The following SV2C variants were observed in gnomAD, a reference collection of about 807,000 sequenced individuals.
SV2C encodes synaptic vesicle glycoprotein 2C.
SV2C carries 49 observed loss-of-function variants against 79.7 expected under a neutral mutation model. That is an observed-to-expected ratio of 0.61 (90% CI 0.49 to 0.78). The LOEUF (loss-of-function observed/expected upper bound fraction) is 0.78, where lower values mean the gene tolerates loss of function less well. Ranked by LOEUF, SV2C falls within the 30% of genes least tolerant of loss-of-function variation. SV2C has a pLI of 0.00. For synonymous variants in SV2C, 334 were observed against 333.2 expected (o/e 1.00, Z -0.03); for missense variants, 833 against 912.9 (o/e 0.91, Z 1.13).
At chr5:76,250,997 A>G (rs774887263) in intron 4 of SV2C, among the ~76,000 whole-genome samples, 16 of 152,116 alleles carry the variant, frequency 1.1e-4, no homozygotes, top group Non-Finnish European at 1.9e-4. Flanking sequence ...CTGGGGTCCT[A>G]TTGTTTCCCC....
intron 2 of SV2C, among the ~76,000 whole-genome samples, chr5:76,158,529 C>A (rs1458200168): frequency 6.6e-6 from 1 of 151,140 alleles, no homozygotes; most frequent in Admixed American, 6.6e-5. Flanking sequence ...CAGTAAACAA[C>A]AGAGTGCCAA....
intron 2 of SV2C, among the ~76,000 whole-genome samples, chr5:76,168,755 A>G (rs1327295115): frequency 6.6e-6 from 1 of 152,078 alleles, no homozygotes; most frequent in Non-Finnish European, 1.5e-5. Flanking sequence ...TCCTTTTGGG[A>G]GAATATGTAG....
chr5:75,864,487 A>G, the SV2C span, among the ~76,000 whole-genome samples: 3 of 152,184 alleles, frequency 2.0e-5, no homozygotes, highest in Non-Finnish European at 4.4e-5. Flanking sequence ...CTGCCGAGGT[A>G]GACTTGTTAC....
the SV2C span, among the ~76,000 whole-genome samples, chr5:76,012,135 T>G: frequency 1.3e-5 from 2 of 152,188 alleles, no homozygotes; most frequent in African/African-American, 4.8e-5. Flanking sequence ...GTAACGGGAT[T>G]GCTGGGTCAA....
At chr5:76,144,197 T>C (rs532558429) in intron 2 of SV2C, among the ~76,000 whole-genome samples, 2 of 152,260 alleles carry the variant, frequency 1.3e-5, no homozygotes, top group Non-Finnish European at 2.9e-5. Flanking sequence ...AATGAAGAGC[T>C]ATTTATCAAT....
Position 76,112,111 on chromosome 5 carries a change from A to G in SV2C, c.-101-19539A>G, listed in dbSNP as rs568083804. 4.6e-5 allele frequency among the ~76,000 whole-genome samples: 7 copies of G among 152,388 alleles called. No homozygotes were observed. In the East Asian group the frequency reaches 1.3e-3, roughly 29 times the overall value. ...TTCTGCTAGGTATTAGAATTTAGCT[A>G]ATAACAAAATAGGAAGAGTTCCTTT... is the stretch of plus-strand genomic sequence containing the variant. On this transcript the variant is annotated intron_variant, in intron 1 of 12. Coordinates refer to ENST00000502798, the MANE Select transcript of SV2C (RefSeq NM_014979.4).
chr5:76,160,706 C>T (rs547187069), intron 2 of SV2C, among the ~76,000 whole-genome samples: 19 of 152,152 alleles, frequency 1.2e-4, no homozygotes, highest in Non-Finnish European at 1.3e-4. Flanking sequence ...AGACAACCCA[C>T]TTAAAATGGC....
At chr5:76,242,750 A>T (rs1745826928) in intron 4 of SV2C, among the ~76,000 whole-genome samples, 1 of 152,086 alleles carries the variant, frequency 6.6e-6, no homozygotes, top group South Asian at 2.1e-4. Context: ...AACGAAGATG[A>T]TGCCAGGTGT....
chr5:76,154,330 T>C (rs1346248657), intron 2 of SV2C, among the ~76,000 whole-genome samples: 1 of 152,210 alleles, frequency 6.6e-6, no homozygotes, highest in Non-Finnish European at 1.5e-5. Flanking sequence ...TTTCTGTTAA[T>C]GTATAAAACC....
the SV2C span, among the ~76,000 whole-genome samples, chr5:75,956,326 C>A: frequency 7.1e-6 from 1 of 140,580 alleles, no homozygotes; most frequent in Non-Finnish European, 1.5e-5. Flanking sequence ...TATTCTCACT[C>A]ATAGGTGGGA....
chr5:76,004,315 G>T, the SV2C span, among the ~76,000 whole-genome samples: 1 of 152,080 alleles, frequency 6.6e-6, no homozygotes, highest in Admixed American at 6.6e-5. Context: ...CCACTTTCTG[G>T]CTGGGCTATC....
intron 4 of SV2C, among the ~76,000 whole-genome samples, chr5:76,234,215 A>G (rs140450753): frequency 1.5e-4 from 23 of 152,344 alleles, no homozygotes; most frequent in Admixed American, 1.5e-3. Flanking sequence ...ACATGTTCCT[A>G]GAACTGCCTC....
chr5:76,139,902 G>A (rs1184652060), intron 2 of SV2C, among the ~76,000 whole-genome samples: 12 of 52,966 alleles, frequency 2.3e-4, no homozygotes, highest in African/African-American at 4.3e-4. Flanking sequence ...TCACTCTGTC[G>A]CCCAGGCCGG....
chr5:76,039,724 C>G, the SV2C span, among the ~76,000 whole-genome samples: 1 of 148,786 alleles, frequency 6.7e-6, no homozygotes, highest in Non-Finnish European at 1.5e-5. Context: ...CCATTGCACT[C>G]CAGCCTGGGC....
chr5:76,137,902 A>G (rs1749121735), intron 2 of SV2C, among the ~76,000 whole-genome samples: 2 of 152,146 alleles, frequency 1.3e-5, no homozygotes, highest in East Asian at 3.9e-4. Context: ...GCAGACTCAG[A>G]TTCATCCATT....
chr5:75,923,452 G>C, the SV2C span, among the ~76,000 whole-genome samples: 2 of 152,102 alleles, frequency 1.3e-5, no homozygotes, highest in African/African-American at 2.4e-5. Context: ...GCTCTGCACA[G>C]CAAAAGAAAT....
intron 2 of SV2C, among the ~76,000 whole-genome samples, chr5:76,185,451 C>T (rs1743885002): frequency 6.6e-6 from 1 of 152,212 alleles, no homozygotes; most frequent in South Asian, 2.1e-4. Context: ...GAGGGCTCTG[C>T]CCTTGCAGCA....
the SV2C span, among the ~76,000 whole-genome samples, chr5:75,913,136 C>G: frequency 1.3e-5 from 2 of 152,156 alleles, no homozygotes; most frequent in African/African-American, 4.8e-5. Flanking sequence ...GCCTAGGAAT[C>G]TAGTCCAAAT....
At chr5:76,009,790 A>G in the SV2C span, among the ~76,000 whole-genome samples, 2 of 152,020 alleles carry the variant, frequency 1.3e-5, no homozygotes, top group Non-Finnish European at 2.9e-5. Flanking sequence ...GGGTTGAAAA[A>G]CTATTGGATA....
Sources: gnomAD v4.1 joint callset for allele counts (sites outside exome capture counted in the v4.1 genomes callset) on GRCh38, gnomAD v4.1.1 for gene constraint, MANE v1.5 for transcripts, NCBI Gene and HGNC (gene_info 2026-07-23, HGNC 2026-07-21) for gene names.